SORCS3: variants seen among roughly 807,000 people sequenced by gnomAD.
The protein encoded by SORCS3 is sortilin related VPS10 domain containing receptor 3.
Under a neutral mutation model 146.3 loss-of-function variants are expected in SORCS3, and 57 were observed. That is an observed-to-expected ratio of 0.39 (90% confidence interval 0.31 to 0.49). The LOEUF is 0.49. Ranked by LOEUF, SORCS3 falls within the 20% of genes least tolerant of loss-of-function variation. The pLI, the probability that SORCS3 is intolerant of heterozygous loss-of-function variation, is 0.92. For missense variants in SORCS3, 1,341 were observed against 1,575.5 expected (o/e 0.85, Z 2.52); for synonymous variants, 653 against 618.5 (o/e 1.06, Z -0.83).
chr10:105,112,827 C>T (rs11192321), intron 7 of SORCS3, among the ~76,000 whole-genome samples: 12,984 of 152,132 alleles, frequency 0.085, 677 homozygotes, highest in Admixed American at 0.16. Context: ...AAGATGAGGA[C>T]GAGAGACTTT....
intron 22 of SORCS3, among the ~76,000 whole-genome samples, chr10:105,249,788 A>C (rs2056888440): frequency 6.6e-6 from 1 of 152,106 alleles, no homozygotes; most frequent in Non-Finnish European, 1.5e-5. Flanking sequence ...CAGGAGGCTG[A>C]GGCAGGATAA....
chr10:104,783,857 G>T (rs1392254996), intron 1 of SORCS3, among the ~76,000 whole-genome samples: 1 of 152,202 alleles, frequency 6.6e-6, no homozygotes, highest in Non-Finnish European at 1.5e-5. Flanking sequence ...GGATGTGTTT[G>T]CCCTAGAGGT....
At chr10:105,222,097 C>T (rs1589695302) in intron 19 of SORCS3, among the ~76,000 whole-genome samples, 1 of 114,490 alleles carries the variant, frequency 8.7e-6, no homozygotes, top group Non-Finnish European at 1.7e-5. Flanking sequence ...TTGCTCTTGT[C>T]GCCCAGGCTG....
At chr10:104,756,096 C>T (rs892833903) in intron 1 of SORCS3, among the ~76,000 whole-genome samples, 1 of 152,168 alleles carries the variant, frequency 6.6e-6, no homozygotes, top group African/African-American at 2.4e-5. Flanking sequence ...TATTATGTGG[C>T]TCCTCATCCA....
intron 1 of SORCS3, among the ~76,000 whole-genome samples, chr10:104,729,246 G>A (rs979088570): frequency 1.3e-5 from 2 of 152,162 alleles, no homozygotes; most frequent in African/African-American, 4.8e-5. Context: ...TATGGTACAC[G>A]TGTATATCCT....
intron 4 of SORCS3, among the ~76,000 whole-genome samples, chr10:105,032,024 C>T (rs2133696688): frequency 6.6e-6 from 1 of 152,214 alleles, no homozygotes; most frequent in South Asian, 2.1e-4. Context: ...GAAACCCCGT[C>T]TGTACTAAAA....
chr10:104,748,321 C>A (rs2016939797), intron 1 of SORCS3, among the ~76,000 whole-genome samples: 1 of 152,138 alleles, frequency 6.6e-6, no homozygotes. Context: ...TCAGCCACAG[C>A]AGTTGTAGCA....
chr10:104,930,268 T>C (rs1049725939), intron 3 of SORCS3, among the ~76,000 whole-genome samples: 3 of 152,294 alleles, frequency 2.0e-5, no homozygotes, highest in East Asian at 1.9e-4. Flanking sequence ...AGCTTTCCAG[T>C]TGGGCAGTGG....
rs551759387 is a variant in SORCS3, at chr10:105,201,995, C to T, written c.2261+742C>T. On this transcript the variant is annotated intron_variant, in intron 16 of 26. Coordinates refer to ENST00000369701, the MANE Select transcript of SORCS3 (RefSeq NM_014978.3). ...TTGGTTTCTCCTTTTCTTTCACTGT[C>T]AGATCCAGGCCATCTGCAAGTCCTT... 1.0e-3 allele frequency among the ~76,000 whole-genome samples: 155 copies of T among 152,264 alleles called. 4 individuals are homozygous for T. In the South Asian group the frequency reaches 0.031, roughly 31 times the overall value.
Position 104,671,019 on chromosome 10 carries a change from T to TTGCTGAA in SORCS3, c.627+29067_627+29073dup, listed in dbSNP as rs199801520. ...TGATTATTGTCTGTATCCTGCTACT[T>TTGCTGAA]TGCTGAATTTATTAGTTCCAATCTT... On this transcript the variant is annotated intron_variant, in intron 1 of 26. Coordinates refer to ENST00000369701, the MANE Select transcript of SORCS3 (RefSeq NM_014978.3). Among the ~76,000 whole-genome samples, 1,358 of 152,260 alleles carry TTGCTGAA rather than the reference T, an allele frequency of 8.9e-3. 22 individuals carry two copies. Among genetic ancestry groups the TTGCTGAA allele is most frequent in the African/African-American group, 0.03 (1,257 of 41,564 alleles).
intron 5 of SORCS3, among the ~76,000 whole-genome samples, chr10:105,085,551 G>A (rs2055654648): frequency 6.6e-6 from 1 of 152,160 alleles, no homozygotes; most frequent in African/African-American, 2.4e-5. Flanking sequence ...AGGGTCTCTG[G>A]CCTTAGGAAG....
At chr10:105,261,578 C>A (rs1042872421) in intron 25 of SORCS3, among the ~76,000 whole-genome samples, 2 of 152,066 alleles carry the variant, frequency 1.3e-5, no homozygotes, top group Non-Finnish European at 2.9e-5. Flanking sequence ...AGGAGTCTCC[C>A]GAGGCTGGAA....
intron 3 of SORCS3, among the ~76,000 whole-genome samples, chr10:104,950,904 C>T (rs1345301879): frequency 6.6e-6 from 1 of 152,176 alleles, no homozygotes; most frequent in Non-Finnish European, 1.5e-5. Context: ...AGAGGCTGGC[C>T]TCTAAATATA....
Position 104,848,095 on chromosome 10 carries a change from A to G in SORCS3, c.695+5236A>G, listed in dbSNP as rs186803619. ...TGTTTCTGGATCATTGACAATGCTT[A>G]GCATTTCAACTATACTAAATAAGGA... is the stretch of plus-strand genomic sequence containing the variant. On this transcript the variant is annotated intron_variant, in intron 2 of 26. Transcript: ENST00000369701. 2.0e-4 allele frequency among the ~76,000 whole-genome samples: 30 copies of G among 152,312 alleles called. No homozygotes were observed. The East Asian group carries it at 5.2e-3, about 26-fold the overall frequency.
chr10:105,017,600 G>A (rs933667658), intron 4 of SORCS3, among the ~76,000 whole-genome samples: 3 of 152,182 alleles, frequency 2.0e-5, no homozygotes, highest in African/African-American at 7.2e-5. Flanking sequence ...AGAATATGGA[G>A]ATAGAGATGT....
Position 105,016,156 on chromosome 10 carries a change from T to TATATATATATATA in SORCS3, c.955-26899_955-26898insATATATATATATA, listed in dbSNP as rs1554868994. On this transcript the variant is annotated intron_variant, in intron 4 of 26. Coordinates refer to ENST00000369701, the MANE Select transcript of SORCS3 (RefSeq NM_014978.3). Reference sequence around the variant, plus strand: ...ATAAATATATATATATATATATATATTTTTTTTTTTTTTTGAGATGGAGTC... The same window carrying TATATATATATATA: ...ATAAATATATATATATATATATATATATATATATATATATTTTTTTTTTTTTTGAGATGGAGTC... 1.2e-3 allele frequency among the ~76,000 whole-genome samples: 92 copies of TATATATATATATA among 74,820 alleles called. 1 individual carries two copies. The highest frequency in any genetic ancestry group is 6.0e-3 in the African/African-American group (73 of 12,202). 49.1% of individuals were successfully genotyped at this position (74,820 alleles called of 152,430 possible).
chr10:104,798,885 G>A (rs1198493514), intron 1 of SORCS3, among the ~76,000 whole-genome samples: 1 of 152,136 alleles, frequency 6.6e-6, no homozygotes, highest in Admixed American at 6.5e-5. Context: ...AATGGATAAA[G>A]GATATGAATA....
At chr10:105,136,042 C>T (rs570902255) in intron 7 of SORCS3, among the ~76,000 whole-genome samples, 1 of 152,152 alleles carries the variant, frequency 6.6e-6, no homozygotes, top group East Asian at 1.9e-4. Flanking sequence ...TACACCTATT[C>T]ATTACCTGGT....
At position 105,231,101 on chromosome 10, in the gene SORCS3, A is replaced by C. The variant is rs2056762992; in HGVS notation, c.2868+7852A>C. Among the ~76,000 whole-genome samples, 3 of 152,214 alleles carry C rather than the reference A, an allele frequency of 2.0e-5. No individual in the cohort carries two copies. In the South Asian group the frequency reaches 6.2e-4, roughly 32 times the overall value. On this transcript the variant is annotated intron_variant, in intron 20 of 26. Coordinates refer to ENST00000369701, the MANE Select transcript of SORCS3 (RefSeq NM_014978.3). The stretch of plus-strand genomic sequence containing the variant: ...CCAAACTCCTAGCCGATCCTGGCCA[A>C]GCAGGCTGCCTTGCTTCCATGTCCT...
Sources: gnomAD v4.1 joint callset for allele counts (sites outside exome capture counted in the v4.1 genomes callset) on GRCh38, gnomAD v4.1.1 for gene constraint, MANE v1.5 for transcripts, NCBI Gene and HGNC (gene_info 2026-07-23, HGNC 2026-07-21) for gene names.